Variants in COPS8 observed in about 807,000 individuals in gnomAD.
COPS8 encodes COP9 signalosome subunit 8.
In COPS8, 11 loss-of-function variants were observed where a neutral mutation model predicts 31.5. That is an observed-to-expected ratio of 0.35 (90% CI 0.22 to 0.58). COPS8 has a LOEUF of 0.58. Ranked by LOEUF, COPS8 falls within the 20% of genes least tolerant of loss-of-function variation. The pLI, the probability that COPS8 is intolerant of heterozygous loss-of-function variation, is 0.83. For synonymous variants in COPS8, 81 were observed against 89.3 expected, an observed-to-expected ratio of 0.91 and a Z score of 0.52; for missense variants, 215 against 255.1, an observed-to-expected ratio of 0.84 and a Z score of 1.07.
Position 237,088,595 on chromosome 2 carries a change from C to A in COPS8, c.150-10C>A, listed in dbSNP as rs369320947. ...AATTGATTATTCTTCTTTGTGGTGG[C>A]GTAAATTAGGAATAATGCAAGATAT... On this transcript the variant is annotated splice_polypyrimidine_tract_variant and intron_variant, in intron 2 of 7. Coordinates refer to ENST00000354371, the MANE Select transcript of COPS8 (RefSeq NM_006710.5). 1 of 1,578,442 alleles carries A rather than the reference C, an allele frequency of 6.3e-7. No homozygotes were observed. The highest frequency in any genetic ancestry group is 8.7e-7 in the Non-Finnish European group (1 of 1,155,876).
At chr2:237,095,729 A>T (rs1271885805) in intron 5 of COPS8, 93 bp from the exon 6 acceptor site, 5 of 793,656 alleles carry the variant, frequency 6.3e-6, no homozygotes, top group Non-Finnish European at 1.1e-5. Flanking sequence ...TAAACACATC[A>T]GGTCTTCTGT....
Position 237,089,873 on chromosome 2 carries a change from A to T in COPS8, c.210A>T (p.Glu70Asp). 6.2e-7 allele frequency: 1 copy of T among 1,612,452 alleles called. No individual in the cohort carries two copies. Among genetic ancestry groups the T allele is most frequent in the Non-Finnish European group, 8.5e-7 (1 of 1,179,786 alleles). Residue 70 changes from glutamate to aspartate, a missense_variant, in exon 4 of 8, where the codon GAA becomes GAT. Glu to Asp is a conservative substitution (Grantham distance 45, BLOSUM62 2). Transcript: ENST00000354371. ...IPPAIKSANS[E>D]LGGIWSVGQR... ...AATATTTATTGCAGGCAAATTCTGAACTTGGGGGAATTTGGTCAGTAGGAC... is the reference window on the plus strand; with the variant it reads ...AATATTTATTGCAGGCAAATTCTGATCTTGGGGGAATTTGGTCAGTAGGAC...
intron 1 of COPS8, 65 bp downstream of exon 1, chr2:237,086,107 T>A: frequency 6.9e-7 from 1 of 1,450,342 alleles, no homozygotes; most frequent in Non-Finnish European, 9.6e-7. Context: ...CGGCACCAGT[T>A]TCCAGGGTAA....
In COPS8 at chr2:237,096,469, C is replaced by A. The variant is rs370464097; in HGVS notation, c.503-353C>A. On this transcript the variant is annotated intron_variant, in intron 6 of 7. Coordinates refer to ENST00000354371, the MANE Select transcript of COPS8 (RefSeq NM_006710.5). ...ACCAGGAGTGTCTTTTCTGCCAGGTCTTTAGAGCCAAGCTTAATGCCCACT... is the reference window on the plus strand; with the variant it reads ...ACCAGGAGTGTCTTTTCTGCCAGGTATTTAGAGCCAAGCTTAATGCCCACT... Among the ~76,000 whole-genome samples the A allele has an allele frequency of 9.8e-5, 15 of 152,298 alleles. No individual in the cohort carries two copies. The East Asian group carries it at 2.7e-3, about 27-fold the overall frequency.
Position 237,098,960 on chromosome 2 carries a change from G to A in COPS8, c.*1218G>A, listed in dbSNP as rs1423232412. On this transcript the variant is annotated 3_prime_UTR_variant, in exon 8 of 8. Transcript: ENST00000354371. ...TATTAAAATTCCTTGTTTTACAGTTGAGGAAATGGGAATTCAAGAAGTCAG... is the reference window on the plus strand; with the variant it reads ...TATTAAAATTCCTTGTTTTACAGTTAAGGAAATGGGAATTCAAGAAGTCAG... 6.6e-6 allele frequency: 1 copy of A among 152,124 alleles called. No individual in the cohort carries two copies. The highest frequency in any genetic ancestry group is 1.5e-5 in the Non-Finnish European group (1 of 68,024). 9.4% of individuals were successfully genotyped at this position (152,124 alleles called of 1,614,324 possible).
At position 237,098,124 on chromosome 2, in the gene COPS8, T is replaced by G. The variant is rs925996567; in HGVS notation, c.*382T>G. On this transcript the variant is annotated 3_prime_UTR_variant, in exon 8 of 8. Coordinates refer to ENST00000354371, the MANE Select transcript of COPS8 (RefSeq NM_006710.5). Reference sequence around the variant, plus strand: ...TTGGTTGATAATTATAATGATTCATTTGGACTTGAAGAAAGATTGTCCCCA... The same window carrying G: ...TTGGTTGATAATTATAATGATTCATGTGGACTTGAAGAAAGATTGTCCCCA... 6.2e-6 allele frequency: 1 copy of G among 161,610 alleles called. No individual in the cohort carries two copies. Among genetic ancestry groups the G allele is most frequent in the African/African-American group, 2.4e-5 (1 of 41,518 alleles). 10.0% of individuals were successfully genotyped at this position (161,610 alleles called of 1,614,324 possible). A position where few individuals can be genotyped will look rare whatever the true frequency, so the allele number is the denominator to read the frequency against.
chr2:237,092,602 C>G (rs1311684464), intron 4 of COPS8, among the ~76,000 whole-genome samples: 1 of 150,372 alleles, frequency 6.7e-6, no homozygotes, highest in Admixed American at 6.6e-5. Context: ...TGGCTCAGTT[C>G]TTTTCCATTG....
chr2:237,095,932 C>T (rs1696792540), intron 6 of COPS8, 48 bp downstream of exon 6: 2 of 1,302,646 alleles, frequency 1.5e-6, no homozygotes, highest in Non-Finnish European at 2.2e-6. Context: ...TCTTCTAAGA[C>T]TGCTTCAGGT....
In COPS8 at chr2:237,086,008, A is replaced by T. The variant is rs374765254; in HGVS notation, c.44A>T (p.Lys15Met). ...GCGGAAAGCGCCTTTAGTTTCAAAAAGTTGCTGGATCAGTGCGAGAACCAG... is the reference window on the plus strand; with the variant it reads ...GCGGAAAGCGCCTTTAGTTTCAAAATGTTGCTGGATCAGTGCGAGAACCAG... ...VMAESAFSFK[K>M]LLDQCENQEL... The change falls in exon 1 of 8, where the codon AAG becomes ATG. Residue 15 changes from lysine (K) to methionine (M), a missense_variant. Lys to Met is a moderately conservative substitution (Grantham distance 95). Coordinates refer to ENST00000354371, the MANE Select transcript of COPS8 (RefSeq NM_006710.5). 195 of 1,613,694 alleles carry T rather than the reference A, an allele frequency of 1.2e-4. No individual in the cohort carries two copies. The highest frequency in any genetic ancestry group is 1.6e-4 in the Non-Finnish European group (190 of 1,179,818).
In COPS8 at chr2:237,088,575, A is replaced by G. The variant is rs771917751; in HGVS notation, c.150-30A>G. On this transcript the variant is annotated intron_variant, in intron 2 of 7. Coordinates refer to ENST00000354371, the MANE Select transcript of COPS8 (RefSeq NM_006710.5). ...CCTGAGATGATTATGTTTTTAATTG[A>G]TTATTCTTCTTTGTGGTGGCGTAAA... 2.6e-6 allele frequency: 4 copies of G among 1,521,064 alleles called. No homozygotes were observed. In the South Asian group the frequency reaches 3.5e-5, roughly 13 times the overall value. 94.2% of individuals were successfully genotyped at this position (1,521,064 alleles called of 1,614,324 possible). A position where few individuals can be genotyped will look rare whatever the true frequency, so the allele number is the denominator to read the frequency against.
rs372813434 is a variant in COPS8 at position 237,096,803 on chromosome 2, ATT to A, written c.503-10_503-9del. 3.5e-6 allele frequency: 5 copies of A among 1,440,198 alleles called. No individual in the cohort carries two copies. The highest frequency in any genetic ancestry group is 1.4e-5 in the African/African-American group (1 of 70,018). The allele number at this position is 1,440,198 out of a possible 1,614,324, so 89.2% of individuals were successfully genotyped here. On this transcript the variant is annotated splice_polypyrimidine_tract_variant and intron_variant, in intron 6 of 7. Transcript: ENST00000354371. ...ATGACTTCTGTAAATTGAGCTGTAC[ATT>A]TTTTTTTTGAATTTAGTTGCAGGGG...
chr2:237,093,489 C>A (rs1696742682), intron 4 of COPS8, among the ~76,000 whole-genome samples: 1 of 152,176 alleles, frequency 6.6e-6, no homozygotes, highest in South Asian at 2.1e-4. Flanking sequence ...AGCCTGGGGA[C>A]AATCCTAAAT....
At chr2:237,093,649 T>C in intron 4 of COPS8, 9 of 975,738 alleles carry the variant, frequency 9.2e-6, no homozygotes, top group Non-Finnish European at 9.7e-6. Context: ...CAAGATTTGT[T>C]CTGTAACTCC....
chr2:237,085,922 G>T lies in COPS8; in HGVS notation c.-43G>T, dbSNP rs766624742. ...CGCGACGCCTGAGGGACAGTCTGGGGTTTGGCTGTCCGGACGGTGCAGCGG... is the reference window on the plus strand; with the variant it reads ...CGCGACGCCTGAGGGACAGTCTGGGTTTTGGCTGTCCGGACGGTGCAGCGG... On this transcript the variant is annotated 5_prime_UTR_variant, in exon 1 of 8. Coordinates refer to ENST00000354371, the MANE Select transcript of COPS8 (RefSeq NM_006710.5). 6.4e-5 allele frequency: 101 copies of T among 1,588,156 alleles called. No individual in the cohort carries two copies. The highest frequency in any genetic ancestry group is 1.5e-4 in the African/African-American group (11 of 74,362).
intron 1 of COPS8, chr2:237,086,756 C>T (rs1324523206): frequency 4.1e-6 from 4 of 981,418 alleles, no homozygotes; most frequent in Non-Finnish European, 4.9e-6. Context: ...TGGGCAGAAT[C>T]AGAATGCTTC....
intron 5 of COPS8, 77 bp from the exon 6 acceptor site, chr2:237,095,745 T>G: frequency 3.2e-6 from 3 of 950,538 alleles, no homozygotes; most frequent in Non-Finnish European, 5.2e-6. Context: ...TCTGTACAAC[T>G]AATGTCATGG....
At position 237,096,804 on chromosome 2, in the gene COPS8, T is replaced by C; in HGVS notation, c.503-18T>C. The C allele has an allele frequency of 1.7e-6, 2 of 1,205,642 alleles. No homozygotes were observed. Among genetic ancestry groups the C allele is most frequent in the Non-Finnish European group, 1.2e-6 (1 of 861,104 alleles). The allele number at this position is 1,205,642 out of a possible 1,614,324, so 74.7% of individuals were successfully genotyped here. A position where few individuals can be genotyped will look rare whatever the true frequency, so the allele number is the denominator to read the frequency against. On this transcript the variant is annotated intron_variant, in intron 6 of 7. Coordinates refer to ENST00000354371, the MANE Select transcript of COPS8 (RefSeq NM_006710.5). ...TGACTTCTGTAAATTGAGCTGTACA[T>C]TTTTTTTTTGAATTTAGTTGCAGGG...
rs542287160 is a variant in COPS8 at position 237,096,059 on chromosome 2, C to T, written c.502+175C>T. Among the ~76,000 whole-genome samples, 3 of 152,252 alleles carry T rather than the reference C, an allele frequency of 2.0e-5. No individual in the cohort carries two copies. In the South Asian group the frequency reaches 6.2e-4, roughly 32 times the overall value. On this transcript the variant is annotated intron_variant, in intron 6 of 7. Transcript: ENST00000354371. ...GGTAGAAAGGATCACCTAGTTTAAA[C>T]TCTTAAAAATGTATTTCCTGTATAT... is the stretch of plus-strand genomic sequence containing the variant.
Position 237,098,002 on chromosome 2 carries a change from A to G in COPS8, c.*260A>G, listed in dbSNP as rs1436421669. On this transcript the variant is annotated 3_prime_UTR_variant, in exon 8 of 8. Coordinates refer to ENST00000354371, the MANE Select transcript of COPS8 (RefSeq NM_006710.5). ...CTGTCAGTATTACAGTTAGTTTTCT[A>G]GTGACTCATAAAATAAGATTTCCTG... The G allele has an allele frequency of 3.2e-6, 1 of 312,912 alleles. No homozygotes were observed. The highest frequency in any genetic ancestry group is 2.2e-5 in the African/African-American group (1 of 46,348). The allele number at this position is 312,912 out of a possible 1,614,324, so 19.4% of individuals were successfully genotyped here. A position where few individuals can be genotyped will look rare whatever the true frequency, so the allele number is the denominator to read the frequency against.
Sources: allele counts gnomAD v4.1 joint callset (sites outside exome capture counted in the v4.1 genomes callset), GRCh38; gene constraint gnomAD v4.1.1; transcripts MANE v1.5; gene names NCBI Gene and HGNC (gene_info 2026-07-23, HGNC 2026-07-21).